The following RGPD2 variants were observed in gnomAD, a reference collection of about 807,000 sequenced individuals.
RGPD2 encodes RANBP2-like and GRIP domain-containing protein 2.
A neutral mutation model predicts 36.0 loss-of-function variants in RGPD2; 2 were observed. The observed-to-expected ratio is 0.06, with a 90% CI of 0.02 to 0.17. RGPD2 has a LOEUF of 0.17. Ranked by LOEUF, RGPD2 falls within the 10% of genes least tolerant of loss-of-function variation. The pLI, the probability that RGPD2 is intolerant of heterozygous loss-of-function variation, is 1.00. For synonymous variants in RGPD2, 19 were observed against 163.8 expected, an observed-to-expected ratio of 0.12 and a Z score of 6.75; for missense variants, 40 against 464.3, an observed-to-expected ratio of 0.09 and a Z score of 8.40.
At chr2:87,961,910 C>T in the RGPD2 span, among the ~76,000 whole-genome samples, 8 of 145,300 alleles carry the variant, frequency 5.5e-5, no homozygotes, top group Admixed American at 2.1e-4. Flanking sequence ...TGGCTCAAGC[C>T]GGTAGCCCCA....
At chr2:87,769,779 T>A (rs1406514305) in intron 22 of RGPD2, among the ~76,000 whole-genome samples, 3 of 150,324 alleles carry the variant, frequency 2.0e-5, no homozygotes, top group Non-Finnish European at 4.5e-5. Flanking sequence ...GATTTCTGTC[T>A]TGTTTTTTAT....
the RGPD2 span, among the ~76,000 whole-genome samples, chr2:87,883,065 T>C: frequency 6.6e-6 from 1 of 152,182 alleles, no homozygotes; most frequent in Non-Finnish European, 1.5e-5. Flanking sequence ...GATAAATTAA[T>C]TATGTGTCTA....
At chr2:87,965,202 T>C in the RGPD2 span, among the ~76,000 whole-genome samples, 1 of 139,930 alleles carries the variant, frequency 7.1e-6, no homozygotes, top group Non-Finnish European at 1.6e-5. Flanking sequence ...CTGATGAGTA[T>C]CAATAGTCTC....
chr2:87,974,615 T>G, the RGPD2 span, among the ~76,000 whole-genome samples: 4 of 152,206 alleles, frequency 2.6e-5, no homozygotes, highest in African/African-American at 9.6e-5. Flanking sequence ...AAATTCCAGA[T>G]ATTTATATCC....
the RGPD2 span, among the ~76,000 whole-genome samples, chr2:87,961,734 A>G: frequency 4.9e-5 from 7 of 143,860 alleles, no homozygotes; most frequent in African/African-American, 1.5e-4. Context: ...CAAATCCCGC[A>G]GTCAGTCCTG....
At chr2:87,882,048 A>G in the RGPD2 span, among the ~76,000 whole-genome samples, 30 of 152,308 alleles carry the variant, frequency 2.0e-4, no homozygotes, top group East Asian at 3.3e-3. Flanking sequence ...CAACCAGATG[A>G]CCATTACAAA....
At chr2:87,907,414 T>TAAAAA in the RGPD2 span, among the ~76,000 whole-genome samples, 5 of 3,440 alleles carry the variant, frequency 1.5e-3, 1 homozygote, top group Non-Finnish European at 2.2e-3. Context: ...TAGAGTATAA[T>TAAAAA]AAAAAAAAAA....
chr2:87,852,594 C>G, the RGPD2 span, among the ~76,000 whole-genome samples: 3 of 152,208 alleles, frequency 2.0e-5, no homozygotes, highest in Non-Finnish European at 4.4e-5. Context: ...TGCCTCTGAC[C>G]TCATCTTCTA....
intron 22 of RGPD2, among the ~76,000 whole-genome samples, chr2:87,760,785 T>A (rs1056490301): frequency 2.7e-5 from 2 of 74,514 alleles, no homozygotes; most frequent in African/African-American, 1.0e-4. Context: ...GCCCCGCTAA[T>A]TTTTTGTATT....
At chr2:87,983,903 A>G in the RGPD2 span, among the ~76,000 whole-genome samples, 2 of 152,274 alleles carry the variant, frequency 1.3e-5, no homozygotes, top group Non-Finnish European at 2.9e-5. Context: ...AAATAAGACC[A>G]GGAAGGTGAG....
At chr2:87,762,218 TG>T (rs1684907983) in intron 22 of RGPD2, among the ~76,000 whole-genome samples, 1 of 96,976 alleles carries the variant, frequency 1.0e-5, no homozygotes, top group Non-Finnish European at 1.9e-5. Flanking sequence ...AGGAATCCTG[TG>T]GTTCTCTAAG....
the RGPD2 span, among the ~76,000 whole-genome samples, chr2:87,842,237 G>T: frequency 2.0e-5 from 3 of 151,052 alleles, no homozygotes; most frequent in Non-Finnish European, 4.4e-5. Context: ...AGGAAATAAA[G>T]GGTATTCAAT....
At chr2:87,945,034 G>A in the RGPD2 span, among the ~76,000 whole-genome samples, 343 of 151,448 alleles carry the variant, frequency 2.3e-3, no homozygotes, top group Middle Eastern at 6.8e-3. Flanking sequence ...GTTCGGTAGT[G>A]TTCAGTATAT....
At chr2:87,945,685 G>A in the RGPD2 span, among the ~76,000 whole-genome samples, 5 of 151,596 alleles carry the variant, frequency 3.3e-5, no homozygotes, top group African/African-American at 4.8e-5. Context: ...ATGGCTCACT[G>A]CAGCCTCAAC....
At chr2:87,836,253 A>AGAAG in the RGPD2 span, among the ~76,000 whole-genome samples, 2 of 150,518 alleles carry the variant, frequency 1.3e-5, no homozygotes, top group African/African-American at 5.0e-5. Context: ...AGAGAAAGAA[A>AGAAG]GAAGGAAGGA....
At chr2:87,881,111 G>A in the RGPD2 span, among the ~76,000 whole-genome samples, 1 of 152,164 alleles carries the variant, frequency 6.6e-6, no homozygotes, top group Non-Finnish European at 1.5e-5. Context: ...TGCAAGGGGT[G>A]GGCACACTAG....
At chr2:87,971,798 A>G in the RGPD2 span, among the ~76,000 whole-genome samples, 1 of 152,184 alleles carries the variant, frequency 6.6e-6, no homozygotes, top group South Asian at 2.1e-4. Context: ...ACAAATAAAG[A>G]AAAACAAAAC....
chr2:87,830,234 G>C (rs1310188130), upstream of RGPD2, among the ~76,000 whole-genome samples: 1 of 152,250 alleles, frequency 6.6e-6, no homozygotes, highest in African/African-American at 2.4e-5. Context: ...ACTTTGCAGG[G>C]TACAGGCTCT....
chr2:87,943,899 C>A, the RGPD2 span, among the ~76,000 whole-genome samples: 1 of 152,004 alleles, frequency 6.6e-6, no homozygotes, highest in East Asian at 1.9e-4. Flanking sequence ...AATCTTGAAG[C>A]CTCCTCCAAA....
Sources: gnomAD v4.1 joint callset for allele counts (sites outside exome capture counted in the v4.1 genomes callset) on GRCh38, gnomAD v4.1.1 for gene constraint, MANE v1.5 for transcripts, NCBI Gene and HGNC (gene_info 2026-07-23, HGNC 2026-07-21) for gene names.